The following NRG3 variants were observed in gnomAD, a reference collection of about 807,000 sequenced individuals.
NRG3 encodes the protein pro-neuregulin-3, membrane-bound isoform.
Under a neutral mutation model 66.9 loss-of-function variants are expected in NRG3, and 31 were observed. The ratio of observed to expected loss-of-function variants is 0.46; its 90% CI spans 0.35 to 0.63. The LOEUF is 0.63. NRG3 is among the 20% of genes least tolerant of loss of function. The pLI is 0.00. For missense variants in NRG3, 910 were observed against 878.9 expected (o/e 1.04, Z -0.45); for synonymous variants, 393 against 359.4 (o/e 1.09, Z -1.06).
intron 2 of NRG3, among the ~76,000 whole-genome samples, chr10:82,633,507 A>G (rs760118777): frequency 6.6e-6 from 1 of 152,194 alleles, no homozygotes; most frequent in Non-Finnish European, 1.5e-5. Flanking sequence ...GTGTAACGCC[A>G]TTAATCATGA....
At chr10:82,405,456 TTG>T (rs2087441336) in intron 2 of NRG3, among the ~76,000 whole-genome samples, 1 of 148,438 alleles carries the variant, frequency 6.7e-6, no homozygotes, top group African/African-American at 2.6e-5. Flanking sequence ...TCTCAGTAGT[TTG>T]TTTTTTTTTT....
intron 7 of NRG3, among the ~76,000 whole-genome samples, chr10:82,974,345 T>C (rs905381141): frequency 6.6e-6 from 1 of 152,186 alleles, no homozygotes; most frequent in African/African-American, 2.4e-5. Flanking sequence ...GCCTGGTGAA[T>C]CTTCTTCTTG....
chr10:82,430,493 A>G (rs543316806), intron 2 of NRG3, among the ~76,000 whole-genome samples: 2 of 152,178 alleles, frequency 1.3e-5, no homozygotes, highest in South Asian at 2.1e-4. Flanking sequence ...TCCTGACCTC[A>G]TGATCCACCT....
intron 1 of NRG3, among the ~76,000 whole-genome samples, chr10:82,349,657 C>T (rs1248819921): frequency 2.0e-5 from 3 of 151,696 alleles, no homozygotes; most frequent in African/African-American, 7.3e-5. Context: ...GGCGCCCCTC[C>T]CCCAACCTCG....
intron 3 of NRG3, among the ~76,000 whole-genome samples, chr10:82,856,093 G>C (rs1422752355): frequency 6.6e-6 from 1 of 152,146 alleles, no homozygotes; most frequent in East Asian, 1.9e-4. Context: ...GTTGCCACCA[G>C]AGGTGTCATG....
At chr10:82,018,173 A>C (rs934767789) in intron 1 of NRG3, among the ~76,000 whole-genome samples, 2 of 152,092 alleles carry the variant, frequency 1.3e-5, no homozygotes, top group African/African-American at 4.8e-5. Context: ...ATTTCCCAGC[A>C]CCATTTATTA....
chr10:82,158,706 T>C (rs1467680115), intron 1 of NRG3, among the ~76,000 whole-genome samples: 1 of 151,910 alleles, frequency 6.6e-6, no homozygotes, highest in African/African-American at 2.4e-5. Flanking sequence ...CTTATGTACT[T>C]TTTCTTCACA....
chr10:82,173,305 T>G (rs895255631), intron 1 of NRG3, among the ~76,000 whole-genome samples: 8 of 152,030 alleles, frequency 5.3e-5, no homozygotes, highest in Admixed American at 5.3e-4. Context: ...CAGGACTGTT[T>G]GACAGTTTTA....
intron 1 of NRG3, among the ~76,000 whole-genome samples, chr10:81,976,535 T>C (rs904304019): frequency 1.3e-5 from 2 of 152,210 alleles, no homozygotes; most frequent in African/African-American, 4.8e-5. Flanking sequence ...GACTCTAGGA[T>C]AGATTGCTGA....
intron 3 of NRG3, among the ~76,000 whole-genome samples, chr10:82,779,002 A>G (rs1363488907): frequency 6.6e-6 from 1 of 152,034 alleles, no homozygotes; most frequent in Non-Finnish European, 1.5e-5. Context: ...AATGTGGTGT[A>G]ATGGTAGTAG....
intron 2 of NRG3, among the ~76,000 whole-genome samples, chr10:82,519,924 T>A (rs1313370176): frequency 6.6e-6 from 1 of 152,114 alleles, no homozygotes; most frequent in Non-Finnish European, 1.5e-5. Flanking sequence ...AAGCTTTGTT[T>A]TTGAAAGTGA....
chr10:82,583,571 A>T (rs929523938), intron 2 of NRG3, among the ~76,000 whole-genome samples: 1 of 152,208 alleles, frequency 6.6e-6, no homozygotes, highest in East Asian at 1.9e-4. Context: ...AGCTTTAAAC[A>T]TTACGCTTGT....
intron 1 of NRG3, among the ~76,000 whole-genome samples, chr10:82,040,868 C>T (rs2063001682): frequency 6.6e-6 from 1 of 152,074 alleles, no homozygotes. Flanking sequence ...GAAGTTCATG[C>T]ATGTCAATTG....
intron 2 of NRG3, among the ~76,000 whole-genome samples, chr10:82,536,825 T>C (rs944882943): frequency 3.3e-5 from 5 of 151,986 alleles, no homozygotes; most frequent in Non-Finnish European, 7.4e-5. Flanking sequence ...CAAGGGTTCT[T>C]ATAGTGCAAA....
rs140839555 is a variant in NRG3 at position 82,393,790 on chromosome 10, G to A, written c.953+34922G>A. On this transcript the variant is annotated intron_variant, in intron 2 of 8. Coordinates refer to ENST00000372141, the MANE Select transcript of NRG3 (RefSeq NM_001010848.4). ...CAGTTTTCATAAGTGCTTATTAAAA[G>A]AATAATGGAATGGTCATCAGCAAGC... is the stretch of plus-strand genomic sequence containing the variant. 5.3e-3 allele frequency among the ~76,000 whole-genome samples: 814 copies of A among 152,272 alleles called. 7 individuals are homozygous for A. Among genetic ancestry groups the A allele is most frequent in the African/African-American group, 0.019 (792 of 41,556 alleles).
chr10:82,109,915 C>G (rs926598772), intron 1 of NRG3, among the ~76,000 whole-genome samples: 3 of 152,102 alleles, frequency 2.0e-5, no homozygotes, highest in Non-Finnish European at 2.9e-5. Flanking sequence ...CTGTCTGATA[C>G]TAGAATAAGT....
intron 2 of NRG3, among the ~76,000 whole-genome samples, chr10:82,426,821 C>A (rs1358773701): frequency 6.6e-6 from 1 of 151,618 alleles, no homozygotes; most frequent in Non-Finnish European, 1.5e-5. Flanking sequence ...TTTTAATTTT[C>A]TTTTCTTTTG....
At chr10:82,634,713 G>GT (rs1320822330) in intron 2 of NRG3, among the ~76,000 whole-genome samples, 2 of 152,208 alleles carry the variant, frequency 1.3e-5, no homozygotes, top group African/African-American at 4.8e-5. Context: ...TGGGGAAAGT[G>GT]TAAGGAACCA....
chr10:82,940,027 A>G (rs933661161), intron 4 of NRG3, among the ~76,000 whole-genome samples: 3 of 152,086 alleles, frequency 2.0e-5, no homozygotes, highest in Non-Finnish European at 2.9e-5. Context: ...CCAGAAATAA[A>G]GATCATATCC....
Sources: allele counts gnomAD v4.1 joint callset (sites outside exome capture counted in the v4.1 genomes callset), GRCh38; gene constraint gnomAD v4.1.1; transcripts MANE v1.5; gene names NCBI Gene and HGNC (gene_info 2026-07-23, HGNC 2026-07-21).